GMPR: variants seen among roughly 807,000 people sequenced by gnomAD.
GMPR encodes the protein GMP reductase 1.
A neutral mutation model predicts 38.4 loss-of-function variants in GMPR; 31 were observed. The ratio of observed to expected loss-of-function variants is 0.81; its 90% confidence interval spans 0.61 to 1.09. The LOEUF (loss-of-function observed/expected upper bound fraction) is 1.09, where lower values mean the gene tolerates loss of function less well. GMPR is among the 50% of genes least tolerant of loss of function. The pLI, the probability that GMPR is intolerant of heterozygous loss-of-function variation, is 0.00. For synonymous variants in GMPR, 162 were observed against 173.3 expected (o/e 0.93, Z 0.51); for missense variants, 468 against 453.7 (o/e 1.03, Z -0.29).
chr6:16,263,822 A>T (rs527733027), intron 4 of GMPR, among the ~76,000 whole-genome samples: 1 of 151,628 alleles, frequency 6.6e-6, no homozygotes, highest in East Asian at 1.9e-4. Flanking sequence ...ATTGGGGTGC[A>T]GAGATAAGAG....
intron 4 of GMPR, among the ~76,000 whole-genome samples, chr6:16,268,651 T>G (rs1759318166): frequency 6.6e-6 from 1 of 152,188 alleles, no homozygotes; most frequent in South Asian, 2.1e-4. Context: ...TGCTGCCTGT[T>G]TGCCAACCCT....
At chr6:16,266,421 T>C (rs1339030631) in intron 4 of GMPR, among the ~76,000 whole-genome samples, 1 of 96,536 alleles carries the variant, frequency 1.0e-5, no homozygotes, top group East Asian at 3.9e-4. Flanking sequence ...ACACTCACTG[T>C]GAAAAAGGTG....
chr6:16,247,309 T>G (rs1758776486), intron 2 of GMPR, among the ~76,000 whole-genome samples: 1 of 152,072 alleles, frequency 6.6e-6, no homozygotes, highest in African/African-American at 2.4e-5. Context: ...GCTGCAGCAT[T>G]TACTGTATAA....
At chr6:16,249,455 C>A (rs924560745) in intron 2 of GMPR, among the ~76,000 whole-genome samples, 1 of 152,130 alleles carries the variant, frequency 6.6e-6, no homozygotes, top group Non-Finnish European at 1.5e-5. Context: ...CAGGAATGTG[C>A]CACCACGCTT....
intron 1 of GMPR, among the ~76,000 whole-genome samples, chr6:16,244,960 A>G (rs576380589): frequency 2.0e-5 from 3 of 152,304 alleles, no homozygotes; most frequent in South Asian, 2.1e-4. Flanking sequence ...TTGGAGTGCC[A>G]AGAAAAACCC....
intron 3 of GMPR, among the ~76,000 whole-genome samples, chr6:16,254,017 G>T (rs537253629): frequency 6.6e-6 from 1 of 151,710 alleles, no homozygotes; most frequent in South Asian, 2.1e-4. Context: ...TGCAACCTCC[G>T]CCCCCCAGGT....
intron 8 of GMPR, among the ~76,000 whole-genome samples, 154 bp from the exon 9 acceptor site, chr6:16,294,852 T>C (rs776851198): frequency 3.7e-4 from 56 of 152,140 alleles, no homozygotes; most frequent in Non-Finnish European, 4.4e-4. Context: ...ATCTTGGCAC[T>C]TGGTAGAAAT....
intron 4 of GMPR, among the ~76,000 whole-genome samples, chr6:16,260,749 T>C (rs965764284): frequency 5.3e-5 from 8 of 151,918 alleles, no homozygotes; most frequent in African/African-American, 1.9e-4. Flanking sequence ...CATCAATAAA[T>C]CAAGCGTGAT....
chr6:16,292,826 A>C (rs1181246111), intron 8 of GMPR, among the ~76,000 whole-genome samples: 2 of 152,246 alleles, frequency 1.3e-5, no homozygotes, highest in Non-Finnish European at 2.9e-5. Context: ...GAGCTGAAAG[A>C]AAAAACGTCT....
chr6:16,252,706 A>G (rs1758899757), intron 3 of GMPR, among the ~76,000 whole-genome samples: 1 of 152,206 alleles, frequency 6.6e-6, no homozygotes, highest in African/African-American at 2.4e-5. Flanking sequence ...AAGGCAACCA[A>G]TCTCAAGTTC....
chr6:16,258,394 G>T (rs1438997121), intron 4 of GMPR, among the ~76,000 whole-genome samples: 2 of 152,224 alleles, frequency 1.3e-5, no homozygotes, highest in Non-Finnish European at 2.9e-5. Context: ...GAAGGACAAA[G>T]ACCAGGAAGG....
chr6:16,246,877 A>G lies in GMPR; in HGVS notation c.123A>G (p.Ser41=), dbSNP rs1230431615. Residue 41 remains serine (S), a synonymous_variant, in exon 2 of 9, where the codon TCA becomes TCG. Coordinates refer to ENST00000259727, the MANE Select transcript of GMPR (RefSeq NM_006877.4). ...AACGCACCTTCACGTTTCGAAATTC[A>G]AAGCAGACCTACTCAGGGATTCCCA... is the stretch of plus-strand genomic sequence containing the variant. ...DLERTFTFRN[S]KQTYSGIPII... is the part of the protein sequence containing the mutation. 6.2e-7 allele frequency: 1 copy of G among 1,613,628 alleles called. No individual in the cohort carries two copies. The highest frequency in any genetic ancestry group is 1.1e-5 in the South Asian group (1 of 91,054).
chr6:16,252,459 C>T (rs1581648840), intron 3 of GMPR, among the ~76,000 whole-genome samples: 2 of 152,098 alleles, frequency 1.3e-5, no homozygotes, highest in East Asian at 3.9e-4. Context: ...CAAGGTTTCA[C>T]CATGTTGACC....
chr6:16,290,337 C>T, intron 7 of GMPR, 125 bp from the exon 8 acceptor site: 1 of 843,060 alleles, frequency 1.2e-6, no homozygotes, highest in Non-Finnish European at 2.0e-6. Flanking sequence ...GAGGTCCAGC[C>T]TTTCTCTTGA....
At chr6:16,262,570 G>A (rs1295945563) in intron 4 of GMPR, 1 of 152,066 alleles carries the variant, frequency 6.6e-6, no homozygotes, top group Non-Finnish European at 1.5e-5. Flanking sequence ...TGGAGGCAAG[G>A]AATTGCAACT....
chr6:16,272,639 C>A (rs1759405856), intron 4 of GMPR, among the ~76,000 whole-genome samples: 1 of 152,148 alleles, frequency 6.6e-6, no homozygotes, highest in Non-Finnish European at 1.5e-5. Context: ...ACTTTTATTT[C>A]TTTCAATAGT....
intron 1 of GMPR, among the ~76,000 whole-genome samples, chr6:16,244,213 T>C (rs1758713111): frequency 6.7e-6 from 1 of 148,574 alleles, no homozygotes. Context: ...ATTTGTACTT[T>C]TTTTTTTTTT....
At chr6:16,281,755 G>A (rs1340385171) in intron 6 of GMPR, among the ~76,000 whole-genome samples, 2 of 151,954 alleles carry the variant, frequency 1.3e-5, no homozygotes, top group Non-Finnish European at 2.9e-5. Context: ...TGATCCGCCC[G>A]CCTCAGCCTC....
intron 4 of GMPR, among the ~76,000 whole-genome samples, chr6:16,261,292 TTAGA>T (rs1759081083): frequency 6.6e-6 from 1 of 151,938 alleles, no homozygotes; most frequent in Non-Finnish European, 1.5e-5. Flanking sequence ...AGAATTATGC[TTAGA>T]TAGGTAACAG....
Sources: allele counts gnomAD v4.1 joint callset (sites outside exome capture counted in the v4.1 genomes callset), GRCh38; gene constraint gnomAD v4.1.1; transcripts MANE v1.5; gene names NCBI Gene and HGNC (gene_info 2026-07-23, HGNC 2026-07-21).